The following DACH1 variants were observed in gnomAD, a reference collection of about 807,000 sequenced individuals.
The protein encoded by DACH1 is dachshund homolog 1.
Under a neutral mutation model 54.2 loss-of-function variants are expected in DACH1, and 12 were observed. The observed-to-expected ratio is 0.22, with a 90% confidence interval of 0.14 to 0.36. The LOEUF (loss-of-function observed/expected upper bound fraction) is 0.36, where lower values mean the gene tolerates loss of function less well. Ranked by LOEUF, DACH1 falls within the 10% of genes least tolerant of loss-of-function variation. The pLI is 1.00. For missense variants in DACH1, 805 were observed against 929.8 expected, an observed-to-expected ratio of 0.87 and a Z score of 1.75; for synonymous variants, 386 against 366.2, an observed-to-expected ratio of 1.05 and a Z score of -0.62.
intron 10 of DACH1, among the ~76,000 whole-genome samples, chr13:71,466,318 C>G (rs548295305): frequency 5.1e-4 from 77 of 152,278 alleles, no homozygotes; most frequent in East Asian, 4.6e-3. Flanking sequence ...TGTTTATGAG[C>G]AAGCCAACTT....
At chr13:71,595,767 C>T (rs1874050851) in intron 3 of DACH1, among the ~76,000 whole-genome samples, 1 of 152,122 alleles carries the variant, frequency 6.6e-6, no homozygotes, top group Non-Finnish European at 1.5e-5. Context: ...TGTATCCTCT[C>T]TGCCCACTCC....
chr13:71,506,836 G>GA (rs1286863898), intron 6 of DACH1, among the ~76,000 whole-genome samples: 1 of 151,466 alleles, frequency 6.6e-6, no homozygotes, highest in Admixed American at 6.6e-5. Flanking sequence ...ATGGTGCTGG[G>GA]AAAACTGGCT....
At chr13:71,444,491 T>C (rs1215521298) in intron 10 of DACH1, among the ~76,000 whole-genome samples, 2 of 152,116 alleles carry the variant, frequency 1.3e-5, no homozygotes, top group Non-Finnish European at 2.9e-5. Context: ...AATTCAAATT[T>C]CATTAACCTA....
At chr13:71,697,598 A>T (rs1229659895) in intron 1 of DACH1, among the ~76,000 whole-genome samples, 3 of 152,214 alleles carry the variant, frequency 2.0e-5, no homozygotes, top group Non-Finnish European at 4.4e-5. Flanking sequence ...AAATTTTTAA[A>T]CATGGCTTAC....
At chr13:71,504,226 C>T (rs543223201) in intron 6 of DACH1, among the ~76,000 whole-genome samples, 6 of 152,064 alleles carry the variant, frequency 3.9e-5, no homozygotes, top group South Asian at 2.1e-4. Flanking sequence ...ACAATTAACA[C>T]GAGAAATCTT....
At chr13:71,554,009 C>A (rs936078982) in intron 6 of DACH1, among the ~76,000 whole-genome samples, 6 of 151,772 alleles carry the variant, frequency 4.0e-5, no homozygotes, top group Admixed American at 3.9e-4. Flanking sequence ...TAGGTTCAAG[C>A]CTAAAATGTA....
At chr13:71,655,409 T>G (rs900198668) in intron 2 of DACH1, among the ~76,000 whole-genome samples, 1 of 151,608 alleles carries the variant, frequency 6.6e-6, no homozygotes, top group African/African-American at 2.4e-5. Context: ...TTACTCTTTT[T>G]GTCTAGGCTT....
chr13:71,698,529 T>TGA (rs370861566), intron 1 of DACH1, among the ~76,000 whole-genome samples: 58 of 150,892 alleles, frequency 3.8e-4, no homozygotes, highest in East Asian at 1.2e-3. Context: ...GAAGAAATAA[T>TGA]GAGAGAGAGA....
At chr13:71,457,540 GC>G (rs1375300753) in intron 10 of DACH1, among the ~76,000 whole-genome samples, 2 of 151,784 alleles carry the variant, frequency 1.3e-5, no homozygotes, top group Non-Finnish European at 2.9e-5. Context: ...AAAAAAAGCT[GC>G]TTTATGTTTT....
At chr13:71,786,686 T>C (rs1886604709) in intron 1 of DACH1, among the ~76,000 whole-genome samples, 1 of 152,128 alleles carries the variant, frequency 6.6e-6, no homozygotes, top group South Asian at 2.1e-4. Flanking sequence ...TTACTGGCTA[T>C]TATTAAGTCC....
In DACH1 at chr13:71,479,337, G is replaced by A. The variant is rs778095074; in HGVS notation, c.1723-21C>T. The A allele has an allele frequency of 5.0e-6, 8 of 1,597,214 alleles. No homozygotes were observed. In the Admixed American group the frequency reaches 1.3e-4, roughly 25 times the overall value. On this transcript the variant is annotated intron_variant, in intron 7 of 10. Coordinates refer to ENST00000613252, the MANE Select transcript of DACH1 (RefSeq NM_080759.6). ...AGCCCCTGTACAAAGAAGATATTCG[G>A]AATGGTAATATTTTAATACAAAGCA...
intron 1 of DACH1, among the ~76,000 whole-genome samples, chr13:71,785,163 G>C (rs1320330507): frequency 6.6e-6 from 1 of 151,990 alleles, no homozygotes; most frequent in Non-Finnish European, 1.5e-5. Context: ...TCCTGAATTC[G>C]CCAGGTTAAA....
At chr13:71,680,686 C>A (rs1411479380) in intron 2 of DACH1, among the ~76,000 whole-genome samples, 1 of 152,022 alleles carries the variant, frequency 6.6e-6, no homozygotes. Flanking sequence ...GAACAAATAG[C>A]CGAAATAGCT....
rs1206385735 is a variant in DACH1 at position 71,866,381 on chromosome 13, G to A, written c.389C>T (p.Ser130Phe). Reference sequence around the variant, plus strand: ...GGTGCTGGCGTTGATGGGGGTGCTGGAAGCGACGCCGCCGCCAGCGCTGAT... The same window carrying A: ...GGTGCTGGCGTTGATGGGGGTGCTGAAAGCGACGCCGCCGCCAGCGCTGAT... ...GGISAGGGVA[S>F]STPINASTGS... The change falls in exon 1 of 11, where the codon TCC becomes TTC. Residue 130 changes from serine to phenylalanine, a missense_variant. This residue lies in a region of DACH1 where 305 missense variants were observed against 308.7 expected (regional missense o/e 0.99). Coordinates refer to ENST00000613252, the MANE Select transcript of DACH1 (RefSeq NM_080759.6). 3 of 1,498,718 alleles carry A rather than the reference G, an allele frequency of 2.0e-6. No homozygotes were observed. The highest frequency in any genetic ancestry group is 2.6e-5 in the East Asian group (1 of 38,362). 92.8% of individuals were successfully genotyped at this position (1,498,718 alleles called of 1,614,324 possible).
intron 1 of DACH1, among the ~76,000 whole-genome samples, chr13:71,861,179 A>C (rs1874327250): frequency 6.6e-6 from 1 of 151,998 alleles, no homozygotes; most frequent in Non-Finnish European, 1.5e-5. Flanking sequence ...AGATTTTAAA[A>C]CTATGTGTCA....
intron 3 of DACH1, among the ~76,000 whole-genome samples, chr13:71,623,003 T>C (rs1259272476): frequency 6.6e-6 from 1 of 151,784 alleles, no homozygotes; most frequent in Non-Finnish European, 1.5e-5. Context: ...AAATATTTTC[T>C]GCCTTCTGCT....
chr13:71,573,717 T>C, intron 3 of DACH1: 1 of 459,288 alleles, frequency 2.2e-6, no homozygotes. Context: ...GTAAGTAAAT[T>C]TCCCCTAAGC....
At chr13:71,638,783 A>T (rs1421895961) in intron 2 of DACH1, among the ~76,000 whole-genome samples, 1 of 152,166 alleles carries the variant, frequency 6.6e-6, no homozygotes, top group Non-Finnish European at 1.5e-5. Flanking sequence ...CATTAAATAC[A>T]CTTATTCATT....
chr13:71,678,270 A>T (rs578261091), intron 2 of DACH1, among the ~76,000 whole-genome samples: 3 of 152,348 alleles, frequency 2.0e-5, no homozygotes, highest in Admixed American at 1.3e-4. Context: ...CTTGAGAATT[A>T]TAAAATGTAT....
Sources: allele counts gnomAD v4.1 joint callset (sites outside exome capture counted in the v4.1 genomes callset), GRCh38; gene constraint gnomAD v4.1.1; regional missense constraint gnomAD v4.1.1; transcripts MANE v1.5; gene names NCBI Gene and HGNC (gene_info 2026-07-23, HGNC 2026-07-21).